CELF4: variants seen among roughly 807,000 people sequenced by gnomAD.
CELF4 encodes CUG-BP- and ETR-3-like factor 4.
A neutral mutation model predicts 59.9 loss-of-function variants in CELF4; 18 were observed. The ratio of observed to expected loss-of-function variants is 0.30; its 90% CI spans 0.21 to 0.45. The LOEUF is 0.45. Ranked by LOEUF, CELF4 falls within the 20% of genes least tolerant of loss-of-function variation. The pLI, the probability that CELF4 is intolerant of heterozygous loss-of-function variation, is 1.00. For missense variants in CELF4, 456 were observed against 689.0 expected, an observed-to-expected ratio of 0.66 and a Z score of 3.79; for synonymous variants, 261 against 267.1, an observed-to-expected ratio of 0.98 and a Z score of 0.22.
intron 1 of CELF4, among the ~76,000 whole-genome samples, chr18:37,563,421 T>C (rs2099987174): frequency 6.6e-6 from 1 of 152,124 alleles, no homozygotes; most frequent in Admixed American, 6.6e-5. Flanking sequence ...AGCAGAAGAC[T>C]TCCCTACCTA....
intron 2 of CELF4, among the ~76,000 whole-genome samples, chr18:37,368,415 C>T (rs540188205): frequency 6.6e-6 from 1 of 152,244 alleles, no homozygotes; most frequent in Admixed American, 6.5e-5. Context: ...ATGTACACAG[C>T]AGGGGCCTGA....
At chr18:37,530,963 A>G (rs2099969014) in intron 1 of CELF4, among the ~76,000 whole-genome samples, 1 of 149,460 alleles carries the variant, frequency 6.7e-6, no homozygotes, top group Non-Finnish European at 1.5e-5. Flanking sequence ...TGCTGCCAGT[A>G]GTATCTTTAA....
intron 2 of CELF4, among the ~76,000 whole-genome samples, chr18:37,349,698 C>T (rs575418908): frequency 2.6e-5 from 4 of 152,156 alleles, no homozygotes; most frequent in African/African-American, 4.8e-5. Context: ...GCCAGCCCAT[C>T]GGAACCACAG....
chr18:37,308,129 A>T (rs746288463), intron 3 of CELF4, among the ~76,000 whole-genome samples: 1 of 151,970 alleles, frequency 6.6e-6, no homozygotes, highest in Non-Finnish European at 1.5e-5. Context: ...TGGAGGCTGC[A>T]TTGGTCTCTG....
At chr18:37,504,907 G>T (rs72891041) in intron 1 of CELF4, among the ~76,000 whole-genome samples, 12,926 of 152,252 alleles carry the variant, frequency 0.085, 821 homozygotes, top group East Asian at 0.36. Flanking sequence ...AAAGAAAAGG[G>T]CCTGAGCCAC....
intron 2 of CELF4, among the ~76,000 whole-genome samples, chr18:37,455,509 C>A (rs932938947): frequency 6.6e-6 from 1 of 152,194 alleles, no homozygotes; most frequent in Non-Finnish European, 1.5e-5. Flanking sequence ...GTTTGGGGCT[C>A]CCCAATGAGA....
intron 2 of CELF4, among the ~76,000 whole-genome samples, chr18:37,385,263 T>G (rs7230174): frequency 0.023 from 3,348 of 147,366 alleles, 122 homozygotes; most frequent in African/African-American, 0.078. Context: ...CAGGAGAATC[T>G]CGAATCGCTT....
chr18:37,322,669 C>G (rs1458244363), intron 2 of CELF4, among the ~76,000 whole-genome samples: 1 of 152,210 alleles, frequency 6.6e-6, no homozygotes, highest in Non-Finnish European at 1.5e-5. Context: ...TCAGGGCTCA[C>G]CGGGAGGCAC....
chr18:37,421,719 C>A (rs531394983), intron 2 of CELF4, among the ~76,000 whole-genome samples: 1 of 152,346 alleles, frequency 6.6e-6, no homozygotes, highest in East Asian at 1.9e-4. Context: ...TGACTGAGTT[C>A]GGTCATTGCT....
intron 2 of CELF4, among the ~76,000 whole-genome samples, chr18:37,399,424 T>C (rs2099293728): frequency 6.6e-6 from 1 of 152,226 alleles, no homozygotes; most frequent in African/African-American, 2.4e-5. Context: ...CTCCATGCCC[T>C]TGGACTTCTC....
intron 1 of CELF4, among the ~76,000 whole-genome samples, chr18:37,541,969 T>C (rs1006385899): frequency 6.6e-6 from 1 of 152,058 alleles, no homozygotes; most frequent in East Asian, 1.9e-4. Context: ...CTCATGAAAA[T>C]GTGAGCTCCA....
At chr18:37,353,174 T>C (rs557665301) in intron 2 of CELF4, among the ~76,000 whole-genome samples, 4 of 144,430 alleles carry the variant, frequency 2.8e-5, no homozygotes, top group African/African-American at 1.0e-4. Flanking sequence ...TGAGCCGAGA[T>C]TGCGCCACTG....
chr18:37,563,475 A>G (rs1428847660), intron 1 of CELF4, among the ~76,000 whole-genome samples: 2 of 152,148 alleles, frequency 1.3e-5, no homozygotes, highest in Admixed American at 1.3e-4. Flanking sequence ...CAATGAGGAC[A>G]TTCAGAATAA....
intron 2 of CELF4, among the ~76,000 whole-genome samples, chr18:37,454,590 T>C (rs1165896639): frequency 6.6e-6 from 1 of 152,120 alleles, no homozygotes. Context: ...ATAAGCAAGG[T>C]ATTCAGGACA....
intron 2 of CELF4, among the ~76,000 whole-genome samples, chr18:37,441,752 C>T (rs545914003): frequency 1.3e-3 from 193 of 152,186 alleles, no homozygotes; most frequent in African/African-American, 4.5e-3. Context: ...CTTGCCTCCC[C>T]ACTCACCACT....
intron 1 of CELF4, among the ~76,000 whole-genome samples, chr18:37,548,339 A>G (rs975106637): frequency 6.6e-6 from 1 of 152,184 alleles, no homozygotes; most frequent in Admixed American, 6.5e-5. Flanking sequence ...CATATGACCA[A>G]TCTGGGTGTA....
intron 1 of CELF4, among the ~76,000 whole-genome samples, chr18:37,552,468 G>A (rs969994692): frequency 6.6e-6 from 1 of 152,210 alleles, no homozygotes; most frequent in South Asian, 2.1e-4. Context: ...AGAAGTCAAC[G>A]GCAGTTGGTT....
chr18:37,502,478 G>A (rs1175229364), intron 1 of CELF4, among the ~76,000 whole-genome samples: 20 of 152,142 alleles, frequency 1.3e-4, no homozygotes, highest in Admixed American at 1.3e-3. Context: ...CAAAAAGGAT[G>A]TAATCATCTC....
intron 10 of CELF4, among the ~76,000 whole-genome samples, chr18:37,262,102 G>T (rs966451665): frequency 6.6e-6 from 1 of 152,140 alleles, no homozygotes; most frequent in Non-Finnish European, 1.5e-5. Context: ...CCCCTGCCTG[G>T]ACCTCCTGCC....
Sources: allele counts gnomAD v4.1 joint callset (sites outside exome capture counted in the v4.1 genomes callset), GRCh38; gene constraint gnomAD v4.1.1; transcripts MANE v1.5; gene names NCBI Gene and HGNC (gene_info 2026-07-23, HGNC 2026-07-21).